The following SLC31A2 variants were observed in gnomAD, a reference collection of about 807,000 sequenced individuals.
SLC31A2 encodes the protein protein SLC31A2.
SLC31A2 carries 16 observed loss-of-function variants against 14.4 expected under a neutral mutation model. The observed-to-expected ratio is 1.11, with a 90% CI of 0.75 to 1.69. The LOEUF is 1.69. Ranked by LOEUF, SLC31A2 falls within the 40% of genes most tolerant of loss-of-function variation. The probability of loss-of-function intolerance (pLI) is 0.00; values close to 1 mark genes in which losing one functional copy is unlikely to be tolerated. For missense variants in SLC31A2, 140 were observed against 173.9 expected (o/e 0.81, Z 1.10); for synonymous variants, 56 against 68.7 (o/e 0.82, Z 0.91).
Position 113,161,649 on chromosome 9 carries a change from G to C in SLC31A2, c.214G>C (p.Gly72Arg), listed in dbSNP as rs535328790. Residue 72 changes from glycine (G) to arginine (R), a missense_variant, in exon 3 of 4, where the codon GGG becomes CGG. Coordinates refer to ENST00000259392, the MANE Select transcript of SLC31A2 (RefSeq NM_001860.3). The part of the protein sequence containing the change: ...ISQQTIAETD[G>R]DSAGSDSFPV... ...CCAGCAGACCATCGCAGAGACAGAC[G>C]GGGACTCTGCAGGCTCAGATTCATT... The C allele has an allele frequency of 3.7e-6, 6 of 1,613,842 alleles. No homozygotes were observed. The highest frequency in any genetic ancestry group is 5.1e-6 in the Non-Finnish European group (6 of 1,179,894).
At chr9:113,157,981 C>T in intron 2 of SLC31A2, 188 bp downstream of exon 2, 1 of 677,300 alleles carries the variant, frequency 1.5e-6, no homozygotes, top group South Asian at 1.5e-5. Context: ...CAAAGGGCTC[C>T]ATTATCTTAC....
intron 2 of SLC31A2, among the ~76,000 whole-genome samples, chr9:113,160,698 G>T (rs1830000011): frequency 1.3e-5 from 2 of 152,146 alleles, no homozygotes; most frequent in African/African-American, 4.8e-5. Flanking sequence ...TCTCCTTCCA[G>T]AGGTAGGGAG....
intron 2 of SLC31A2, among the ~76,000 whole-genome samples, chr9:113,160,694 TC>T (rs1001638039): frequency 4.5e-4 from 68 of 152,162 alleles, no homozygotes; most frequent in Non-Finnish European, 1.2e-4. Flanking sequence ...CCTGTCTCCT[TC>T]CAGAGGTAGG....
chr9:113,160,045 G>C (rs531945249), intron 2 of SLC31A2, among the ~76,000 whole-genome samples: 3 of 152,068 alleles, frequency 2.0e-5, no homozygotes, highest in African/African-American at 7.2e-5. Context: ...GGCGTGGTGG[G>C]GGGTGTCTGT....
chr9:113,154,113 A>G (rs1033832195), intron 1 of SLC31A2, among the ~76,000 whole-genome samples: 29 of 152,224 alleles, frequency 1.9e-4, no homozygotes, highest in African/African-American at 5.8e-4. Flanking sequence ...AGCTGGGACT[A>G]CAGGCACATG....
At chr9:113,157,307 AG>A (rs1829945939) in intron 1 of SLC31A2, among the ~76,000 whole-genome samples, 1 of 152,234 alleles carries the variant, frequency 6.6e-6, no homozygotes, top group Admixed American at 6.5e-5. Context: ...TAGACTGAAC[AG>A]GACAAAGAGG....
intron 1 of SLC31A2, among the ~76,000 whole-genome samples, chr9:113,153,222 G>A (rs1428573468): frequency 6.6e-6 from 1 of 150,508 alleles, no homozygotes; most frequent in Non-Finnish European, 1.5e-5. Flanking sequence ...TTTACATTGA[G>A]CTAGTGCCAT....
chr9:113,161,845 C>A, intron 3 of SLC31A2, 147 bp downstream of exon 3: 2 of 835,478 alleles, frequency 2.4e-6, no homozygotes, highest in Non-Finnish European at 2.0e-6. Context: ...TACACATAGC[C>A]AAGTGAACTA....
Position 113,151,083 on chromosome 9 carries a change from A to G in SLC31A2, c.6+3A>G. On this transcript the variant is annotated splice_donor_region_variant and intron_variant, in intron 1 of 3. Coordinates refer to ENST00000259392, the MANE Select transcript of SLC31A2 (RefSeq NM_001860.3). This position sits in a 1 kb window ranked among gnomAD's most constrained non-coding sequence, Gnocchi z 4.2. The stretch of plus-strand genomic sequence containing the variant: ...CGCCCTGCGCACTCACCATGGCGGT[A>G]AGGGCCGGGCGCTACGGTGAAGAGG... 4 of 1,309,396 alleles carry G rather than the reference A, an allele frequency of 3.1e-6. No homozygotes were observed. Among genetic ancestry groups the G allele is most frequent in the Non-Finnish European group, 3.9e-6 (4 of 1,021,196 alleles). The allele number at this position is 1,309,396 out of a possible 1,614,324, so 81.1% of individuals were successfully genotyped here.
intron 1 of SLC31A2, among the ~76,000 whole-genome samples, chr9:113,153,848 G>T (rs529604997): frequency 6.6e-6 from 1 of 152,344 alleles, no homozygotes; most frequent in South Asian, 2.1e-4. Flanking sequence ...TGTTAGCTGA[G>T]TGTAGGGAGT....
At chr9:113,159,048 A>G (rs1459339621) in intron 2 of SLC31A2, among the ~76,000 whole-genome samples, 2 of 152,242 alleles carry the variant, frequency 1.3e-5, no homozygotes, top group Non-Finnish European at 1.5e-5. Context: ...TCATTTGGAC[A>G]AACAGAGGCT....
At chr9:113,155,928 C>CA (rs1564134621) in intron 1 of SLC31A2, 3 of 410,678 alleles carry the variant, frequency 7.3e-6, no homozygotes, top group Admixed American at 2.7e-5. Flanking sequence ...ATCCTGGACT[C>CA]AGACTACTAT....
chr9:113,157,034 GCCCTTGATGCCA>G (rs1829942956), intron 1 of SLC31A2, among the ~76,000 whole-genome samples: 1 of 152,262 alleles, frequency 6.6e-6, no homozygotes, highest in African/African-American at 2.4e-5. Context: ...TGTAGAAAAA[GCCCTTGATGCCA>G]CCCTGAACAC....
intron 3 of SLC31A2, 83 bp from the exon 4 acceptor site, chr9:113,162,666 G>GCT (rs1448833977): frequency 7.6e-7 from 1 of 1,319,606 alleles, no homozygotes; most frequent in East Asian, 2.4e-5. Flanking sequence ...TAACTCAACA[G>GCT]CTTTCTACTC....
rs142690081 is a variant in SLC31A2 at position 113,162,720 on chromosome 9, G to A, written c.264-29G>A. 6 of 1,595,886 alleles carry A rather than the reference G, an allele frequency of 3.8e-6. No individual in the cohort carries two copies. In the East Asian group the frequency reaches 1.3e-4, roughly 36 times the overall value. ...CTTCCTCATTACCAGCTCATTACCA[G>A]GATTAACTTGCTTCTCCTTTTTATC... On this transcript the variant is annotated intron_variant, in intron 3 of 3. Transcript: ENST00000259392.
chr9:113,153,590 G>A (rs10981653), intron 1 of SLC31A2, among the ~76,000 whole-genome samples: 10,481 of 152,230 alleles, frequency 0.069, 589 homozygotes, highest in East Asian at 0.24. Context: ...TTGTTAAAGA[G>A]GTTAATAATA....
intron 1 of SLC31A2, among the ~76,000 whole-genome samples, chr9:113,152,842 T>C (rs1026128663): frequency 6.6e-6 from 1 of 152,240 alleles, no homozygotes; most frequent in Non-Finnish European, 1.5e-5. Flanking sequence ...CTAAGATAAC[T>C]GGCCCAGGCC....
chr9:113,160,415 T>G (rs1300326702), intron 2 of SLC31A2, among the ~76,000 whole-genome samples: 1 of 152,228 alleles, frequency 6.6e-6, no homozygotes, highest in South Asian at 2.1e-4. Flanking sequence ...CGTGATATTT[T>G]GATACCTATA....
At chr9:113,155,821 C>T (rs1368945601) in intron 1 of SLC31A2, among the ~76,000 whole-genome samples, 2 of 152,150 alleles carry the variant, frequency 1.3e-5, no homozygotes, top group Non-Finnish European at 2.9e-5. Flanking sequence ...CTGTGTGTCA[C>T]TTTGTGTGGA....
Sources: allele counts gnomAD v4.1 joint callset (sites outside exome capture counted in the v4.1 genomes callset), GRCh38; gene constraint gnomAD v4.1.1; non-coding constraint Gnocchi (gnomAD v3.1); transcripts MANE v1.5; gene names NCBI Gene and HGNC (gene_info 2026-07-23, HGNC 2026-07-21).